Variants in ATP1B1 observed in about 807,000 individuals in gnomAD.
The protein encoded by ATP1B1 is sodium/potassium-transporting ATPase subunit beta-1.
Under a neutral mutation model 39.6 loss-of-function variants are expected in ATP1B1, and 3 were observed. The observed-to-expected ratio is 0.08, with a 90% confidence interval of 0.03 to 0.20. The LOEUF (loss-of-function observed/expected upper bound fraction) is 0.20, where lower values mean the gene tolerates loss of function less well. Among genes scored for constraint, ATP1B1 ranks in the 10% least tolerant of loss-of-function variants. The pLI is 1.00. For missense variants in ATP1B1, 216 were observed against 371.1 expected (o/e 0.58, Z 3.43); for synonymous variants, 139 against 135.0 (o/e 1.03, Z -0.20).
Position 169,131,607 on chromosome 1 carries a change from C to G in ATP1B1, c.*52C>G. 3.2e-6 allele frequency: 5 copies of G among 1,552,832 alleles called. No individual in the cohort carries two copies. The highest frequency in any genetic ancestry group is 4.3e-6 in the Non-Finnish European group (5 of 1,153,984). Reference sequence around the variant, plus strand: ...CCATTTAATAAGTTAAAAAAAGATACAAAAACAAAAACCTACTAGTCTTGA... The same window carrying G: ...CCATTTAATAAGTTAAAAAAAGATAGAAAAACAAAAACCTACTAGTCTTGA... On this transcript the variant is annotated 3_prime_UTR_variant, in exon 6 of 6. Coordinates refer to ENST00000367815, the MANE Select transcript of ATP1B1 (RefSeq NM_001677.4). This position sits in a 1 kb window ranked among gnomAD's most constrained non-coding sequence, Gnocchi z 4.4.
intron 1 of ATP1B1, chr1:169,110,480 C>G (rs1013687555): frequency 2.5e-6 from 1 of 402,120 alleles, no homozygotes; most frequent in Non-Finnish European, 4.3e-6. Flanking sequence ...ATGCCTAGTA[C>G]AGCCTGTTAC....
At chr1:169,113,192 A>G (rs962400089) in intron 2 of ATP1B1, among the ~76,000 whole-genome samples, 3 of 151,742 alleles carry the variant, frequency 2.0e-5, no homozygotes, top group East Asian at 1.9e-4. Context: ...CAGCCTCCCA[A>G]ATAGCTGGGA....
At chr1:169,114,212 A>G (rs746257408) in intron 2 of ATP1B1, among the ~76,000 whole-genome samples, 42 of 152,174 alleles carry the variant, frequency 2.8e-4, no homozygotes, top group Non-Finnish European at 1.6e-4. Context: ...TGTATTTTGC[A>G]TAGGAAATAA....
Position 169,131,327 on chromosome 1 carries a change from G to A in ATP1B1, c.684G>A (p.Glu228=), listed in dbSNP as rs1298288413. 2 of 1,613,814 alleles carry A rather than the reference G, an allele frequency of 1.2e-6. No individual in the cohort carries two copies. The highest frequency in any genetic ancestry group is 1.7e-6 in the Non-Finnish European group (2 of 1,179,934). Reference sequence around the variant, plus strand: ...ATAAGGATAAAGTTGGAAATGTGGAGTATTTTGGACTGGGCAACTCCCCTG... The same window carrying A: ...ATAAGGATAAAGTTGGAAATGTGGAATATTTTGGACTGGGCAACTCCCCTG... ...DEDKDKVGNV[E]YFGLGNSPGF... The change falls in exon 6 of 6, where the codon GAG becomes GAA. Residue 228 remains glutamate, a synonymous_variant. Transcript: ENST00000367815. The surrounding 1 kb of genome is among the most constrained non-coding windows in gnomAD (Gnocchi z 4.4).
intron 2 of ATP1B1, among the ~76,000 whole-genome samples, chr1:169,115,362 T>C (rs1389179483): frequency 6.6e-6 from 1 of 151,054 alleles, no homozygotes; most frequent in Admixed American, 6.6e-5. Context: ...TTTTTTTTTT[T>C]TTTCAAGAGG....
chr1:169,127,455 A>G (rs1455672012), intron 4 of ATP1B1, 47 bp downstream of exon 4: 4 of 1,552,806 alleles, frequency 2.6e-6, no homozygotes, highest in Admixed American at 3.8e-5. Context: ...CATTTACACT[A>G]AGTACTTAAT....
At chr1:169,129,686 A>G (rs1273270994) in intron 4 of ATP1B1, among the ~76,000 whole-genome samples, 1 of 152,212 alleles carries the variant, frequency 6.6e-6, no homozygotes, top group South Asian at 2.1e-4. Context: ...AACGAGCATT[A>G]TATTTTGGGT....
chr1:169,111,585 CTCTATAATGTAG>C, intron 2 of ATP1B1, 87 bp downstream of exon 2: 2 of 1,536,142 alleles, frequency 1.3e-6, no homozygotes, highest in Non-Finnish European at 1.8e-6. Context: ...TGGAAAATTA[CTCTATAATGTAG>C]TCTTAAAGCA....
intron 2 of ATP1B1, 41 bp from the exon 3 acceptor site, chr1:169,124,843 T>G (rs1488859760): frequency 6.3e-7 from 1 of 1,594,500 alleles, no homozygotes; most frequent in Non-Finnish European, 8.6e-7. Context: ...TTGTCTTCGT[T>G]TCTGCCTTCC....
At chr1:169,111,334 C>T (rs753488713) in intron 1 of ATP1B1, 36 bp from the exon 2 acceptor site, 33 of 1,612,654 alleles carry the variant, frequency 2.0e-5, no homozygotes, top group Non-Finnish European at 2.7e-5. Flanking sequence ...GAGCATATGA[C>T]TGCATCACAG....
chr1:169,130,966 A>C (rs1228428107), intron 5 of ATP1B1, among the ~76,000 whole-genome samples: 1 of 152,144 alleles, frequency 6.6e-6, no homozygotes, highest in African/African-American at 2.4e-5. Context: ...AATGAGAGGC[A>C]AGTAGTAAAC....
intron 1 of ATP1B1, among the ~76,000 whole-genome samples, chr1:169,107,346 C>T (rs1398295008): frequency 1.3e-5 from 2 of 152,094 alleles, no homozygotes; most frequent in African/African-American, 4.8e-5. Context: ...GGATCTAATG[C>T]AGACGAGGTT....
intron 2 of ATP1B1, among the ~76,000 whole-genome samples, chr1:169,118,912 A>G (rs1414640108): frequency 6.6e-6 from 1 of 152,226 alleles, no homozygotes; most frequent in Non-Finnish European, 1.5e-5. Flanking sequence ...GTATTAAATG[A>G]CAGGTGCAAG....
intron 3 of ATP1B1, among the ~76,000 whole-genome samples, chr1:169,126,419 T>C (rs1273624469): frequency 6.6e-6 from 1 of 152,214 alleles, no homozygotes; most frequent in Non-Finnish European, 1.5e-5. Context: ...TTTTCTGGCT[T>C]TTATATGAGG....
chr1:169,113,864 C>A (rs1235387223), intron 2 of ATP1B1, among the ~76,000 whole-genome samples: 1 of 152,202 alleles, frequency 6.6e-6, no homozygotes, highest in African/African-American at 2.4e-5. Flanking sequence ...TGTTCTTTGG[C>A]CTGGTAATTT....
At position 169,106,901 on chromosome 1, in the gene ATP1B1, T is replaced by C; in HGVS notation, c.72T>C (p.Phe24=). 6.3e-7 allele frequency: 1 copy of C among 1,581,132 alleles called. No homozygotes were observed. Among genetic ancestry groups the C allele is most frequent in the Non-Finnish European group, 8.6e-7 (1 of 1,166,298 alleles). Residue 24 remains phenylalanine, a synonymous_variant, in exon 1 of 6, where the codon TTT becomes TTC. Coordinates refer to ENST00000367815, the MANE Select transcript of ATP1B1 (RefSeq NM_001677.4). The stretch of plus-strand genomic sequence containing the variant: ...TCTGGAACTCAGAGAAGAAGGAGTT[T>C]CTGGGCAGGACCGGTGGCAGTTGGT... ...KFIWNSEKKE[F]LGRTGGSWFK...
At chr1:169,111,295 C>T in intron 1 of ATP1B1, 75 bp from the exon 2 acceptor site, 2 of 1,574,706 alleles carry the variant, frequency 1.3e-6, no homozygotes, top group African/African-American at 1.3e-5. Context: ...GAAGCTTGTT[C>T]ATCCGTGGGA....
At chr1:169,127,105 T>C in intron 3 of ATP1B1, 119 bp from the exon 4 acceptor site, 5 of 1,069,576 alleles carry the variant, frequency 4.7e-6, no homozygotes, top group Non-Finnish European at 5.1e-6. Context: ...AGATCATGCA[T>C]TAAATGCAGA....
chr1:169,112,440 G>T (rs1192872207), intron 2 of ATP1B1, among the ~76,000 whole-genome samples: 1 of 152,236 alleles, frequency 6.6e-6, no homozygotes, highest in Non-Finnish European at 1.5e-5. Context: ...TCTCACTTAC[G>T]AATGACCTTG....
Sources: gnomAD v4.1 joint callset for allele counts (sites outside exome capture counted in the v4.1 genomes callset) on GRCh38, gnomAD v4.1.1 for gene constraint, Gnocchi (gnomAD v3.1) non-coding constraint, MANE v1.5 for transcripts, NCBI Gene and HGNC (gene_info 2026-07-23, HGNC 2026-07-21) for gene names.